AFG2A: variants seen among roughly 807,000 people sequenced by gnomAD.
AFG2A encodes the protein AAA ATPase AFG2A, also known as ATPase family gene 2 protein homolog A.
the AFG2A span, among the ~76,000 whole-genome samples, chr4:123,280,883 C>T: frequency 6.6e-6 from 1 of 151,932 alleles, no homozygotes; most frequent in African/African-American, 2.4e-5. Context: ...TTCTGTCTAC[C>T]ACAATAATCA....
At chr4:123,023,509 C>T in the AFG2A span, among the ~76,000 whole-genome samples, 6 of 152,236 alleles carry the variant, frequency 3.9e-5, no homozygotes, top group African/African-American at 1.2e-4. Flanking sequence ...TATCCTATAC[C>T]TATAATATTT....
At chr4:123,031,373 G>A in the AFG2A span, among the ~76,000 whole-genome samples, 3 of 152,034 alleles carry the variant, frequency 2.0e-5, no homozygotes, top group Non-Finnish European at 4.4e-5. Context: ...GGCTGGTCTC[G>A]AACTCCTGAG....
the AFG2A span, chr4:123,256,284 T>A: frequency 7.5e-7 from 1 of 1,324,670 alleles, no homozygotes; most frequent in Non-Finnish European, 1.0e-6. Flanking sequence ...ATGACCATAC[T>A]AAGAAATCTT....
chr4:123,261,061 G>A, the AFG2A span, among the ~76,000 whole-genome samples: 1 of 152,146 alleles, frequency 6.6e-6, no homozygotes, highest in Non-Finnish European at 1.5e-5. Context: ...TCTAACGCCT[G>A]AGAACAGTTT....
the AFG2A span, among the ~76,000 whole-genome samples, chr4:123,039,609 A>G: frequency 6.6e-6 from 1 of 151,864 alleles, no homozygotes; most frequent in African/African-American, 2.4e-5. Context: ...ATTTGACTTT[A>G]TATTATGTTA....
the AFG2A span, among the ~76,000 whole-genome samples, chr4:123,137,534 G>GGATTT: frequency 6.6e-6 from 1 of 151,996 alleles, no homozygotes; most frequent in South Asian, 2.1e-4. Context: ...CTTTTCTTTT[G>GGATTT]CTGGTGATCA....
the AFG2A span, among the ~76,000 whole-genome samples, chr4:123,267,858 G>A: frequency 6.6e-6 from 1 of 151,782 alleles, no homozygotes; most frequent in Non-Finnish European, 1.5e-5. Context: ...AACTCCAAGG[G>A]GCCTAAACAT....
the AFG2A span, among the ~76,000 whole-genome samples, chr4:123,165,019 G>T: frequency 6.6e-6 from 1 of 152,088 alleles, no homozygotes; most frequent in Non-Finnish European, 1.5e-5. Flanking sequence ...TATAATCTCA[G>T]ACAGCTGAGA....
At chr4:123,083,556 ATTCTTTTTTTTTTTT>A in the AFG2A span, among the ~76,000 whole-genome samples, 8 of 145,682 alleles carry the variant, frequency 5.5e-5, no homozygotes, top group African/African-American at 1.0e-4. Context: ...GTATATAATT[ATTCTTTTTTTTTTTT>A]TTCTTTTTTT....
chr4:123,102,509 C>T, the AFG2A span, among the ~76,000 whole-genome samples: 3 of 151,980 alleles, frequency 2.0e-5, no homozygotes, highest in South Asian at 2.1e-4. Flanking sequence ...ATACTTTTAA[C>T]TATTTTTTAA....
At chr4:123,016,967 C>T in the AFG2A span, among the ~76,000 whole-genome samples, 4 of 152,136 alleles carry the variant, frequency 2.6e-5, no homozygotes, top group Middle Eastern at 3.2e-3. Context: ...CAAAAAAATA[C>T]GAAAACCAGT....
the AFG2A span, among the ~76,000 whole-genome samples, chr4:122,943,153 A>G: frequency 5.9e-5 from 9 of 152,168 alleles, no homozygotes; most frequent in Admixed American, 2.0e-4. Context: ...TATTAGGTCC[A>G]CTTGTTGCAG....
chr4:123,292,689 C>T, the AFG2A span, among the ~76,000 whole-genome samples: 2 of 152,196 alleles, frequency 1.3e-5, no homozygotes, highest in Admixed American at 6.5e-5. Flanking sequence ...GTTGTAGTAC[C>T]AGTGTGCTGG....
At chr4:123,107,857 C>T in the AFG2A span, among the ~76,000 whole-genome samples, 3,590 of 152,326 alleles carry the variant, frequency 0.024, 122 homozygotes, top group Admixed American at 0.088. Context: ...TGAGTTGTGA[C>T]AGCACCCAGG....
chr4:123,244,539 G>A, the AFG2A span, among the ~76,000 whole-genome samples: 10 of 152,242 alleles, frequency 6.6e-5, no homozygotes, highest in East Asian at 7.7e-4. Flanking sequence ...TCTGTCCTAC[G>A]GCATCTGTAT....
chr4:123,076,989 C>CG, the AFG2A span, among the ~76,000 whole-genome samples: 7 of 128,832 alleles, frequency 5.4e-5, no homozygotes, highest in African/African-American at 9.1e-5. Flanking sequence ...GGTGGTGGGG[C>CG]GGGGGGGTTG....
At chr4:123,000,241 T>C in the AFG2A span, among the ~76,000 whole-genome samples, 18 of 149,966 alleles carry the variant, frequency 1.2e-4, no homozygotes, top group Non-Finnish European at 2.5e-4. Flanking sequence ...ACAATCATGT[T>C]GTCTGCATAC....
At chr4:122,981,688 A>G in the AFG2A span, among the ~76,000 whole-genome samples, 2 of 152,054 alleles carry the variant, frequency 1.3e-5, no homozygotes, top group African/African-American at 4.8e-5. Flanking sequence ...TGTGTCTTCT[A>G]TTTCATCAGT....
At chr4:123,076,957 GC>G in the AFG2A span, among the ~76,000 whole-genome samples, 1 of 35,158 alleles carries the variant, frequency 2.8e-5, no homozygotes, top group Non-Finnish European at 9.5e-5. Flanking sequence ...CAAGCCCTGT[GC>G]TGTGTGTGTG....
Sources: gnomAD v4.1 joint callset for allele counts (sites outside exome capture counted in the v4.1 genomes callset) on GRCh38, gnomAD v4.1.1 for gene constraint, MANE v1.5 for transcripts, NCBI Gene and HGNC (gene_info 2026-07-23, HGNC 2026-07-21) for gene names.